PRAG1: variants seen among roughly 807,000 people sequenced by gnomAD.
PRAG1 encodes PEAK1 related, kinase-activating pseudokinase 1, also known as inactive tyrosine-protein kinase PRAG1.
Under a neutral mutation model 95.6 loss-of-function variants are expected in PRAG1, and 110 were observed. That is an observed-to-expected ratio of 1.15 (90% CI 0.99 to 1.35). The LOEUF (loss-of-function observed/expected upper bound fraction) is 1.35, where lower values mean the gene tolerates loss of function less well. Among genes scored for constraint, PRAG1 ranks in the 40% most tolerant of loss-of-function variants. PRAG1 has a pLI of 0.00. For synonymous variants in PRAG1, 1,052 were observed against 819.4 expected, an observed-to-expected ratio of 1.28 and a Z score of -4.85; for missense variants, 2,554 against 1,864.7, an observed-to-expected ratio of 1.37 and a Z score of -6.81.
chr8:8,369,192 T>C (rs1446246497), intron 3 of PRAG1, among the ~76,000 whole-genome samples: 1 of 133,446 alleles, frequency 7.5e-6, no homozygotes, highest in Non-Finnish European at 1.6e-5. Context: ...CTGGCTTGCT[T>C]TTTTTTTTTT....
chr8:8,337,122 G>C (rs572978969), intron 4 of PRAG1, among the ~76,000 whole-genome samples: 164 of 152,204 alleles, frequency 1.1e-3, no homozygotes, highest in Non-Finnish European at 1.9e-3. Flanking sequence ...AATAAATGTA[G>C]AAGAGTCTAA....
At chr8:8,333,917 A>G (rs1382911884) in intron 4 of PRAG1, among the ~76,000 whole-genome samples, 1 of 152,194 alleles carries the variant, frequency 6.6e-6, no homozygotes, top group East Asian at 1.9e-4. Context: ...GAGGTGAGAA[A>G]ACTAAAGCCA....
intron 3 of PRAG1, among the ~76,000 whole-genome samples, chr8:8,348,936 G>A (rs780994356): frequency 6.6e-6 from 1 of 152,184 alleles, no homozygotes; most frequent in Non-Finnish European, 1.5e-5. Context: ...AAGTTTATCT[G>A]CCTCTGTTTT....
intron 3 of PRAG1, among the ~76,000 whole-genome samples, chr8:8,348,851 T>A (rs1799428933): frequency 6.6e-6 from 1 of 152,182 alleles, no homozygotes; most frequent in South Asian, 2.1e-4. Context: ...GTTCCAAAAT[T>A]ATAAATGGTT....
chr8:8,343,953 C>T (rs920835200), intron 3 of PRAG1, among the ~76,000 whole-genome samples: 12 of 152,000 alleles, frequency 7.9e-5, no homozygotes, highest in African/African-American at 2.2e-4. Flanking sequence ...TATAGTAATA[C>T]ATTTTATTTA....
At chr8:8,369,719 A>C (rs1332473948) in intron 3 of PRAG1, among the ~76,000 whole-genome samples, 1 of 149,762 alleles carries the variant, frequency 6.7e-6, no homozygotes, top group African/African-American at 2.5e-5. Context: ...TTTTTTTTAC[A>C]AGCTTGTACT....
chr8:8,324,242 C>G (rs542115515), intron 5 of PRAG1, among the ~76,000 whole-genome samples: 1 of 152,122 alleles, frequency 6.6e-6, no homozygotes, highest in Non-Finnish European at 1.5e-5. Flanking sequence ...TTCCAAGGCT[C>G]CTTTTTCTCA....
Position 8,381,538 on chromosome 8 carries a change from T to G in PRAG1, c.210A>C (p.Glu70Asp). The G allele has an allele frequency of 6.2e-7, 1 of 1,614,198 alleles. No homozygotes were observed. The highest frequency in any genetic ancestry group is 2.2e-5 in the East Asian group (1 of 44,886). The change falls in exon 2 of 6, where the codon GAA (glutamate) becomes GAC (aspartate). Residue 70 changes from glutamate to aspartate, a missense_variant. Physicochemically the swap from Glu to Asp is conservative, Grantham distance 45 (BLOSUM62 2). Transcript: ENST00000615670. Reference sequence around the variant, plus strand: ...AAGGTGAGCTGTTCACACCTTCATCTTCCAGGCGGCAGTTCTCAGGCCTGG... The same window carrying G: ...AAGGTGAGCTGTTCACACCTTCATCGTCCAGGCGGCAGTTCTCAGGCCTGG... ...LPPRPENCRL[E>D]DEGVNSSPYS...
intron 2 of PRAG1, among the ~76,000 whole-genome samples, chr8:8,380,702 A>C (rs1800603805): frequency 6.7e-6 from 1 of 150,234 alleles, no homozygotes; most frequent in Admixed American, 6.6e-5. Context: ...AAAATACAAA[A>C]ATTAGCTGGG....
intron 1 of PRAG1, among the ~76,000 whole-genome samples, chr8:8,383,724 C>A (rs1800758689): frequency 6.6e-6 from 1 of 152,200 alleles, no homozygotes; most frequent in Admixed American, 6.5e-5. Context: ...TAGCTAGGTT[C>A]TTCTCCTCCT....
rs574697775 is a variant in PRAG1, at chr8:8,325,515, A to T, written c.3072+2195T>A. On this transcript the variant is annotated intron_variant, in intron 5 of 5. Coordinates refer to ENST00000615670, the MANE Select transcript of PRAG1 (RefSeq NM_001080826.3). ...GTTTTTAACATTCTTAAGGAAAGTT[A>T]AATTTCTTTTGTGTTGTTTATTAGA... is the stretch of plus-strand genomic sequence containing the variant. 4.6e-5 allele frequency among the ~76,000 whole-genome samples: 7 copies of T among 152,330 alleles called. No homozygotes were observed. In the South Asian group the frequency reaches 1.4e-3, roughly 32 times the overall value.
chr8:8,381,806 G>A lies in PRAG1; in HGVS notation c.-59C>T. ...CCGGCTCTCTGGTGCAGTTTTGTGG[G>A]ATTCAGAGGTGGGTCACAGAGCGGC... is the stretch of plus-strand genomic sequence containing the variant. On this transcript the variant is annotated 5_prime_UTR_variant, in exon 2 of 6. Transcript: ENST00000615670. 1.4e-6 allele frequency: 2 copies of A among 1,417,374 alleles called. No individual in the cohort carries two copies. Among genetic ancestry groups the A allele is most frequent in the Non-Finnish European group, 1.9e-6 (2 of 1,059,330 alleles). 87.8% of individuals were successfully genotyped at this position (1,417,374 alleles called of 1,614,324 possible).
At position 8,319,258 on chromosome 8, in the gene PRAG1, C is replaced by T. The variant is rs746968375; in HGVS notation, c.3117G>A (p.Pro1039=). Residue 1039 remains proline (P), a synonymous_variant, in exon 6 of 6, where the codon CCG becomes CCA. Transcript: ENST00000615670. ...PEPKTVSYCS[P]SVPVHFNIQQ... is the part of the protein sequence containing the mutation. ...GGATGTTAAAGTGCACGGGCACGGA[C>T]GGGCTGCAGTAGGAGACTGTTTTGG... 2.0e-6 allele frequency: 3 copies of T among 1,536,550 alleles called. No homozygotes were observed. The Admixed American group carries it at 5.7e-5, about 29-fold the overall frequency.
chr8:8,345,758 G>A (rs530844452), intron 3 of PRAG1, among the ~76,000 whole-genome samples: 1 of 152,288 alleles, frequency 6.6e-6, no homozygotes, highest in South Asian at 2.1e-4. Flanking sequence ...TGGCACCACT[G>A]CACTCCAGCC....
At position 8,375,034 on chromosome 8, in the gene PRAG1, A is replaced by T. The variant is rs879751318; in HGVS notation, c.2162+1213T>A. On this transcript the variant is annotated intron_variant, in intron 3 of 5. Coordinates refer to ENST00000615670, the MANE Select transcript of PRAG1 (RefSeq NM_001080826.3). ...ATCAGTTTCGCTCTAATCGAGAGAAATTTTTTTTCCCCAGCATTTAAAACC... is the reference window on the plus strand; with the variant it reads ...ATCAGTTTCGCTCTAATCGAGAGAATTTTTTTTTCCCCAGCATTTAAAACC... Among the ~76,000 whole-genome samples, 13 of 151,530 alleles carry T rather than the reference A, an allele frequency of 8.6e-5. 1 individual carries two copies. The highest frequency in any genetic ancestry group is 1.9e-4 in the Non-Finnish European group (13 of 67,918).
At chr8:8,381,945 A>C (rs564779672) in intron 1 of PRAG1, 111 bp from the exon 2 acceptor site, 352 of 525,148 alleles carry the variant, frequency 6.7e-4, no homozygotes, top group Non-Finnish European at 1.1e-3. Flanking sequence ...AAAAAGGTAA[A>C]GATTAGGATC....
chr8:8,339,397 T>C lies in PRAG1; in HGVS notation c.2320+81A>G, dbSNP rs1799094972. 4.7e-6 allele frequency: 7 copies of C among 1,476,594 alleles called. No individual in the cohort carries two copies. The Admixed American group carries it at 1.1e-4, about 23-fold the overall frequency. The allele number at this position is 1,476,594 out of a possible 1,614,324, so 91.5% of individuals were successfully genotyped here. A position where few individuals can be genotyped will look rare whatever the true frequency, so the allele number is the denominator to read the frequency against. ...CAAGACAGTAGTCCTTGCTCAGCCC[T>C]TCCAATCCCGCAAGCAACGCAGGAC... is the stretch of plus-strand genomic sequence containing the variant. On this transcript the variant is annotated intron_variant, in intron 4 of 5. Transcript: ENST00000615670.
intron 3 of PRAG1, among the ~76,000 whole-genome samples, chr8:8,350,029 T>C (rs748213372): frequency 9.9e-5 from 15 of 152,076 alleles, no homozygotes; most frequent in Non-Finnish European, 1.9e-4. Flanking sequence ...CAGTCAAGGA[T>C]AAAAATTCTT....
At chr8:8,349,589 A>G (rs928604983) in intron 3 of PRAG1, among the ~76,000 whole-genome samples, 1 of 151,886 alleles carries the variant, frequency 6.6e-6, no homozygotes. Context: ...GCCGGTTTCT[A>G]TTATTTTTAT....
Sources: gnomAD v4.1 joint callset for allele counts (sites outside exome capture counted in the v4.1 genomes callset) on GRCh38, gnomAD v4.1.1 for gene constraint, MANE v1.5 for transcripts, NCBI Gene and HGNC (gene_info 2026-07-23, HGNC 2026-07-21) for gene names.